The following CPA4 variants were observed in gnomAD, a reference collection of about 807,000 sequenced individuals.
CPA4 encodes the protein carboxypeptidase A4, also known as carboxypeptidase A3.
In CPA4, 49 loss-of-function variants were observed where a neutral mutation model predicts 54.7. The ratio of observed to expected loss-of-function variants is 0.90; its 90% CI spans 0.71 to 1.14. The LOEUF (loss-of-function observed/expected upper bound fraction) is 1.14. CPA4 is among the 50% of genes most tolerant of loss of function. The probability of loss-of-function intolerance (pLI) is 0.00; values close to 1 mark genes in which losing one functional copy is unlikely to be tolerated. For synonymous variants in CPA4, 215 were observed against 206.8 expected, an observed-to-expected ratio of 1.04 and a Z score of -0.34; for missense variants, 487 against 525.1, an observed-to-expected ratio of 0.93 and a Z score of 0.71.
chr7:130,307,651 T>G (rs939440688), intron 7 of CPA4, among the ~76,000 whole-genome samples: 193 of 125,854 alleles, frequency 1.5e-3, no homozygotes, highest in Middle Eastern at 4.3e-3. Context: ...AAAAAAAAAG[T>G]GTTTTTAAGA....
chr7:130,298,782 C>A lies in CPA4; in HGVS notation c.105C>A (p.Asp35Glu), dbSNP rs377703859. The A allele has an allele frequency of 1.2e-6, 2 of 1,612,170 alleles. No homozygotes were observed. Among genetic ancestry groups the A allele is most frequent in the African/African-American group, 1.3e-5 (1 of 74,884 alleles). ...QVLRINVRNGDEISKLSQLVN... is the reference protein window; with the variant it reads ...QVLRINVRNGEEISKLSQLVN... ...TGAGGATTAATGTCAGAAATGGAGACGAGATCAGCAAATTGAGTCAACTAG... is the reference window on the plus strand; with the variant it reads ...TGAGGATTAATGTCAGAAATGGAGAAGAGATCAGCAAATTGAGTCAACTAG... Residue 35 changes from aspartate to glutamate, a missense_variant, in exon 2 of 11, where the codon GAC (aspartate) becomes GAA (glutamate). Coordinates refer to ENST00000222482, the MANE Select transcript of CPA4 (RefSeq NM_016352.4).
intron 10 of CPA4, among the ~76,000 whole-genome samples, chr7:130,322,192 C>T (rs895305851): frequency 2.0e-4 from 30 of 152,234 alleles, no homozygotes; most frequent in Middle Eastern, 6.8e-3. Flanking sequence ...TGGAGGCTGC[C>T]TACTATACTC....
At position 130,300,720 on chromosome 7, in the gene CPA4, C is replaced by T. The variant is rs2129805; in HGVS notation, c.286-96C>T. 1,586 of 761,478 alleles carry T rather than the reference C, an allele frequency of 2.1e-3. 16 individuals are homozygous for T. In the African/African-American group the frequency reaches 0.024, roughly 11 times the overall value. 47.2% of individuals were successfully genotyped at this position (761,478 alleles called of 1,614,324 possible). On this transcript the variant is annotated intron_variant, in intron 3 of 10. Coordinates refer to ENST00000222482, the MANE Select transcript of CPA4 (RefSeq NM_016352.4). ...GTGCTGCTTGATATGCTGAAAGGGC[C>T]GCCATCTTGGCTGACCCATATGCAA...
intron 10 of CPA4, among the ~76,000 whole-genome samples, chr7:130,322,211 G>T (rs1195154543): frequency 6.6e-6 from 1 of 152,176 alleles, no homozygotes; most frequent in Non-Finnish European, 1.5e-5. Context: ...TCTCTATAGA[G>T]ATTGGTTTTG....
intron 10 of CPA4, among the ~76,000 whole-genome samples, chr7:130,314,909 G>T (rs1224280704): frequency 1.3e-5 from 2 of 152,070 alleles, no homozygotes; most frequent in African/African-American, 2.4e-5. Context: ...TCGGGATTCG[G>T]GTGAGGTGAA....
chr7:130,300,927 G>A lies in CPA4; in HGVS notation c.384+13G>A. 2 of 1,570,154 alleles carry A rather than the reference G, an allele frequency of 1.3e-6. No individual in the cohort carries two copies. The highest frequency in any genetic ancestry group is 2.2e-5 in the South Asian group (2 of 90,050). On this transcript the variant is annotated intron_variant, in intron 4 of 10. Coordinates refer to ENST00000222482, the MANE Select transcript of CPA4 (RefSeq NM_016352.4). ...TTCCCTGGAAGCTGTAAGTGTTTCA[G>A]AGTGGGTTAAGATCAAGGTTCTCTG...
chr7:130,314,062 A>G (rs1793953722), intron 10 of CPA4, among the ~76,000 whole-genome samples: 1 of 152,210 alleles, frequency 6.6e-6, no homozygotes, highest in South Asian at 2.1e-4. Flanking sequence ...GGGACAACAC[A>G]GGTTGGGCCA....
chr7:130,306,723 A>G, intron 6 of CPA4, 64 bp from the exon 7 acceptor site: 3 of 934,112 alleles, frequency 3.2e-6, no homozygotes, highest in East Asian at 2.4e-5. Context: ...GAGAAGATAC[A>G]TGGTTCAGCC....
rs1186710743 is a variant in CPA4 at position 130,322,576 on chromosome 7, A to G, written c.1166A>G (p.Tyr389Cys). 4 of 1,614,052 alleles carry G rather than the reference A, an allele frequency of 2.5e-6. No homozygotes were observed. Among genetic ancestry groups the G allele is most frequent in the African/African-American group, 2.7e-5 (2 of 74,920 alleles). The change falls in exon 11 of 11, where the codon TAT (tyrosine) becomes TGT (cysteine). Residue 389 changes from tyrosine (Y) to cysteine (C), a missense_variant. Coordinates refer to ENST00000222482, the MANE Select transcript of CPA4 (RefSeq NM_016352.4). ...TTTGAGTTGAGAGATACCGGGACCT[A>G]TGGCTTCCTCCTGCCAGCTAACCAG... ...FTFELRDTGTYGFLLPANQII... is the reference protein window; with the variant it reads ...FTFELRDTGTCGFLLPANQII...
chr7:130,305,928 T>TGCGTG lies in CPA4; in HGVS notation c.591+10_591+14dup. On this transcript the variant is annotated intron_variant, in intron 6 of 10. Coordinates refer to ENST00000222482, the MANE Select transcript of CPA4 (RefSeq NM_016352.4). ...ATCTGGACGGCAAGGAAGGTCATGCTGCGTGGTATTAGCCAGGAATGCTGA... is the reference window on the plus strand; with the variant it reads ...ATCTGGACGGCAAGGAAGGTCATGCTGCGTGGCGTGGTATTAGCCAGGAATGCTGA... 1 of 1,607,662 alleles carries TGCGTG rather than the reference T, an allele frequency of 6.2e-7. No individual in the cohort carries two copies. Among genetic ancestry groups the TGCGTG allele is most frequent in the East Asian group, 2.2e-5 (1 of 44,848 alleles).
chr7:130,307,631 G>A (rs10275047), intron 7 of CPA4, among the ~76,000 whole-genome samples: 51,951 of 111,238 alleles, frequency 0.47, 10,006 homozygotes, highest in Non-Finnish European at 0.49. Flanking sequence ...CTCCATCTCA[G>A]AAAAAAAAAA....
rs1793894790 is a variant in CPA4 at position 130,310,535 on chromosome 7, G to A, written c.794-252G>A. Among the ~76,000 whole-genome samples, 2 of 152,114 alleles carry A rather than the reference G, an allele frequency of 1.3e-5. No individual in the cohort carries two copies. The highest frequency in any genetic ancestry group is 1.3e-4 in the Admixed American group (2 of 15,284). On this transcript the variant is annotated intron_variant, in intron 8 of 10. Transcript: ENST00000222482. This position sits in a 1 kb window ranked among gnomAD's most constrained non-coding sequence, Gnocchi z 4.3. ...CTCAAGGGTGATATTAATTATTTAT[G>A]ACAACTGCTATTGGTACAAGGCAAG...
At chr7:130,306,339 C>T (rs376527890) in intron 6 of CPA4, 185 of 238,568 alleles carry the variant, frequency 7.8e-4, no homozygotes, top group South Asian at 1.5e-3. Context: ...GCCAAGATCA[C>T]GCCACTGCAC....
intron 10 of CPA4, among the ~76,000 whole-genome samples, chr7:130,318,551 A>G (rs1332233611): frequency 6.6e-6 from 1 of 152,120 alleles, no homozygotes; most frequent in Non-Finnish European, 1.5e-5. Flanking sequence ...AACTGGGATT[A>G]TAGGCATGTG....
chr7:130,298,743 C>T lies in CPA4; in HGVS notation c.69-3C>T. 1 of 1,599,502 alleles carries T rather than the reference C, an allele frequency of 6.3e-7. No individual in the cohort carries two copies. The highest frequency in any genetic ancestry group is 8.6e-7 in the Non-Finnish European group (1 of 1,167,328). On this transcript the variant is annotated splice_polypyrimidine_tract_variant and splice_region_variant and intron_variant, in intron 1 of 10. Transcript: ENST00000222482. ...TCTTTTTTCCTTTTCGCTTCTTCCC[C>T]AGGGACCAAGTTTTGAGGATTAATG...
chr7:130,314,422 C>A (rs1323548240), intron 10 of CPA4, among the ~76,000 whole-genome samples: 1 of 152,150 alleles, frequency 6.6e-6, no homozygotes, highest in Admixed American at 6.5e-5. Context: ...GGTGTCAGCT[C>A]TTTTAACAAA....
intron 8 of CPA4, among the ~76,000 whole-genome samples, chr7:130,308,934 A>G (rs1464247056): frequency 6.7e-6 from 1 of 148,214 alleles, no homozygotes; most frequent in Admixed American, 6.7e-5. Context: ...TCTCACTGCA[A>G]CCTCCGCCTC....
intron 10 of CPA4, among the ~76,000 whole-genome samples, chr7:130,319,698 C>T (rs1418934382): frequency 1.3e-5 from 2 of 152,064 alleles, no homozygotes; most frequent in South Asian, 4.1e-4. Context: ...CGGAGCTGTA[C>T]AGGAACAAAG....
At chr7:130,295,126 G>A (rs1393892468) in intron 1 of CPA4, among the ~76,000 whole-genome samples, 3 of 152,250 alleles carry the variant, frequency 2.0e-5, no homozygotes, top group Non-Finnish European at 4.4e-5. Flanking sequence ...ATCAACAGTA[G>A]CTGGCAGGCA....
Sources: allele counts gnomAD v4.1 joint callset (sites outside exome capture counted in the v4.1 genomes callset), GRCh38; gene constraint gnomAD v4.1.1; non-coding constraint Gnocchi (gnomAD v3.1); transcripts MANE v1.5; gene names NCBI Gene and HGNC (gene_info 2026-07-23, HGNC 2026-07-21).